SOX5: variants seen among roughly 807,000 people sequenced by gnomAD.
SOX5 encodes transcription factor SOX-5.
SOX5 carries 9 observed loss-of-function variants against 92.0 expected under a neutral mutation model. The observed-to-expected ratio is 0.10, with a 90% CI of 0.06 to 0.17. The LOEUF is 0.17. Ranked by LOEUF, SOX5 falls within the 10% of genes least tolerant of loss-of-function variation. The pLI, the probability that SOX5 is intolerant of heterozygous loss-of-function variation, is 1.00. For missense variants in SOX5, 642 were observed against 944.5 expected, an observed-to-expected ratio of 0.68 and a Z score of 4.20; for synonymous variants, 344 against 336.3, an observed-to-expected ratio of 1.02 and a Z score of -0.25.
intron 1 of SOX5, among the ~76,000 whole-genome samples, chr12:24,410,286 C>T (rs1292438578): frequency 1.3e-5 from 2 of 152,204 alleles, no homozygotes; most frequent in African/African-American, 2.4e-5. Flanking sequence ...GAGTGTGCCA[C>T]AGTACCTGGC....
At chr12:24,438,068 G>T (rs758084203) in intron 1 of SOX5, among the ~76,000 whole-genome samples, 3 of 152,202 alleles carry the variant, frequency 2.0e-5, no homozygotes, top group Non-Finnish European at 2.9e-5. Context: ...TAAAGAAAAC[G>T]TGGCACATAT....
intron 3 of SOX5, among the ~76,000 whole-genome samples, chr12:23,831,778 A>G (rs903140198): frequency 2.6e-5 from 4 of 152,076 alleles, no homozygotes; most frequent in Non-Finnish European, 4.4e-5. Context: ...AAATAATGAT[A>G]AAGTCTAGTT....
chr12:23,746,711 G>A (rs1180224624), intron 4 of SOX5, among the ~76,000 whole-genome samples: 2 of 151,986 alleles, frequency 1.3e-5, no homozygotes, highest in African/African-American at 4.8e-5. Flanking sequence ...CATGAGGGAA[G>A]GGAACCAGCT....
intron 4 of SOX5, among the ~76,000 whole-genome samples, chr12:24,104,677 T>C (rs985893809): frequency 6.6e-6 from 1 of 152,218 alleles, no homozygotes; most frequent in African/African-American, 2.4e-5. Flanking sequence ...GAGGAGTGTG[T>C]GAGCCATTTC....
intron 1 of SOX5, among the ~76,000 whole-genome samples, chr12:24,482,519 G>A (rs941052998): frequency 2.0e-5 from 3 of 152,152 alleles, no homozygotes; most frequent in African/African-American, 4.8e-5. Context: ...GTTGATCAGT[G>A]TGGAATGTTA....
intron 3 of SOX5, among the ~76,000 whole-genome samples, chr12:23,780,234 C>G (rs115491492): frequency 6.6e-6 from 1 of 151,698 alleles, no homozygotes; most frequent in Non-Finnish European, 1.5e-5. Flanking sequence ...AGAAAGAGTG[C>G]TATTTTTTTC....
In SOX5 at chr12:23,845,954, T is replaced by C. The variant is rs7980561; in HGVS notation, c.481+29A>G. 1,081,384 of 1,545,570 alleles carry C rather than the reference T, an allele frequency of 0.7. 381,303 individuals carry two copies. The highest frequency in any genetic ancestry group is 0.89 in the East Asian group (39,434 of 44,542). On this transcript the variant is annotated intron_variant, in intron 3 of 14. Transcript: ENST00000451604. ...AAAGTATTAAAATCAGGACACAGCA[T>C]CAACTTTGTTTTCTCTTCCAGCCTT...
intron 3 of SOX5, among the ~76,000 whole-genome samples, chr12:23,824,335 T>C (rs1355348757): frequency 6.6e-6 from 1 of 152,228 alleles, no homozygotes; most frequent in Middle Eastern, 3.2e-3. Flanking sequence ...GTTGATGCTA[T>C]TGCTTTCTGT....
chr12:23,636,067 A>G (rs1250581183), intron 8 of SOX5, among the ~76,000 whole-genome samples: 2 of 152,166 alleles, frequency 1.3e-5, no homozygotes, highest in African/African-American at 4.8e-5. Flanking sequence ...AGTGTCTGTG[A>G]ATTTCTGTAT....
chr12:23,782,873 T>C lies in SOX5; in HGVS notation c.482-27149A>G, dbSNP rs2095309098. On this transcript the variant is annotated intron_variant, in intron 3 of 14. Coordinates refer to ENST00000451604, the MANE Select transcript of SOX5 (RefSeq NM_006940.6). ...AATCTACAACAGAGACATGAATTTT[T>C]GTGTGTGTGTGTGCGGTGGTAAAAT... 2.6e-5 allele frequency among the ~76,000 whole-genome samples: 4 copies of C among 151,696 alleles called. No individual in the cohort carries two copies. The South Asian group carries it at 8.3e-4, about 31-fold the overall frequency.
chr12:24,264,912 T>C (rs989459638), intron 3 of SOX5, among the ~76,000 whole-genome samples: 1 of 152,322 alleles, frequency 6.6e-6, no homozygotes, highest in Non-Finnish European at 1.5e-5. Context: ...TCTGGAGTAT[T>C]GTTCTCAGTG....
chr12:24,174,703 C>T (rs1277086907), intron 4 of SOX5, among the ~76,000 whole-genome samples: 1 of 152,018 alleles, frequency 6.6e-6, no homozygotes, highest in African/African-American at 2.4e-5. Context: ...TGCCTGTAAT[C>T]CCAGCTGCTC....
At chr12:23,854,128 C>T in intron 2 of SOX5, among the ~76,000 whole-genome samples, 1 of 151,850 alleles carries the variant, frequency 6.6e-6, no homozygotes, top group East Asian at 1.9e-4. Context: ...TATTCTGTAC[C>T]AAAATTTTTA....
At chr12:23,985,432 C>T (rs1949976624) in intron 4 of SOX5, among the ~76,000 whole-genome samples, 1 of 151,926 alleles carries the variant, frequency 6.6e-6, no homozygotes, top group African/African-American at 2.4e-5. Context: ...TTTAATTTTA[C>T]ACATTTCCAT....
chr12:23,631,063 T>C (rs1400283269), intron 8 of SOX5, among the ~76,000 whole-genome samples: 1 of 151,980 alleles, frequency 6.6e-6, no homozygotes, highest in Admixed American at 6.6e-5. Flanking sequence ...TATGTCCCAG[T>C]AGCATGCTTT....
chr12:24,033,845 C>T (rs1393185512), intron 4 of SOX5, among the ~76,000 whole-genome samples: 3 of 151,968 alleles, frequency 2.0e-5, no homozygotes, highest in Non-Finnish European at 4.4e-5. Context: ...TTACGCTAGC[C>T]TGAGTCAGAT....
intron 4 of SOX5, among the ~76,000 whole-genome samples, chr12:24,071,262 C>T (rs945028833): frequency 6.6e-6 from 1 of 151,912 alleles, no homozygotes; most frequent in Non-Finnish European, 1.5e-5. Flanking sequence ...AATATTAACC[C>T]CATTCTATCT....
chr12:23,783,967 T>C (rs560033854), intron 3 of SOX5, among the ~76,000 whole-genome samples: 84 of 152,284 alleles, frequency 5.5e-4, no homozygotes, highest in African/African-American at 2.0e-3. Flanking sequence ...AAACAACAAC[T>C]AAACATTTGT....
intron 2 of SOX5, among the ~76,000 whole-genome samples, chr12:24,339,676 T>C (rs1198335126): frequency 1.3e-5 from 2 of 152,200 alleles, no homozygotes; most frequent in African/African-American, 2.4e-5. Context: ...TACATCAGTA[T>C]AGCCAAAAAA....
Sources: allele counts gnomAD v4.1 joint callset (sites outside exome capture counted in the v4.1 genomes callset), GRCh38; gene constraint gnomAD v4.1.1; transcripts MANE v1.5; gene names NCBI Gene and HGNC (gene_info 2026-07-23, HGNC 2026-07-21).